SRSF11: variants seen among roughly 807,000 people sequenced by gnomAD.
The protein encoded by SRSF11 is serine/arginine-rich splicing factor 11.
Under a neutral mutation model 56.0 loss-of-function variants are expected in SRSF11, and 9 were observed. That is an observed-to-expected ratio of 0.16 (90% CI 0.10 to 0.28). SRSF11 has a LOEUF of 0.28. Among genes scored for constraint, SRSF11 ranks in the 10% least tolerant of loss-of-function variants. The pLI, the probability that SRSF11 is intolerant of heterozygous loss-of-function variation, is 1.00. For synonymous variants in SRSF11, 222 were observed against 215.3 expected (o/e 1.03, Z -0.27); for missense variants, 421 against 600.7 (o/e 0.70, Z 3.13).
In SRSF11 at chr1:70,250,940, T is replaced by C; in HGVS notation, c.*135T>C. On this transcript the variant is annotated 3_prime_UTR_variant, in exon 12 of 12. Coordinates refer to ENST00000370949, the MANE Select transcript of SRSF11 (RefSeq NM_001350605.2). ...GTTATAAATGGTTATAAAGCTCCTG[T>C]TACTCATATTAGTTATTTACATCAA... The C allele has an allele frequency of 1.4e-6, 1 of 718,532 alleles. No homozygotes were observed. Among genetic ancestry groups the C allele is most frequent in the East Asian group, 2.7e-5 (1 of 36,804 alleles). 44.5% of individuals were successfully genotyped at this position (718,532 alleles called of 1,614,324 possible). A position where few individuals can be genotyped will look rare whatever the true frequency, so the allele number is the denominator to read the frequency against.
Position 70,221,380 on chromosome 1 carries a change from A to G in SRSF11, c.-257A>G, listed in dbSNP as rs2100583656. On this transcript the variant is annotated 5_prime_UTR_variant, in exon 1 of 12. Coordinates refer to ENST00000370949, the MANE Select transcript of SRSF11 (RefSeq NM_001350605.2). ...AGCATTGTGGGAGCTCGGGCCCGCT[A>G]GTGTCGTGGTTGGAGGCGAGGTGGG... 8.3e-6 allele frequency: 4 copies of G among 484,022 alleles called. No homozygotes were observed. The highest frequency in any genetic ancestry group is 1.1e-5 in the Non-Finnish European group (3 of 274,960). The allele number at this position is 484,022 out of a possible 1,614,324, so 30.0% of individuals were successfully genotyped here.
intron 1 of SRSF11, among the ~76,000 whole-genome samples, chr1:70,209,133 C>T (rs1159865931): frequency 6.6e-6 from 1 of 152,046 alleles, no homozygotes; most frequent in East Asian, 1.9e-4. Context: ...ATCACATTGG[C>T]CAAAGGGTAC....
rs1470965972 is a variant in SRSF11 at position 70,221,539 on chromosome 1, C to T, written c.-98C>T. ...TAGCAGAGGCTGTAGCATCGGACAC[C>T]CTCCTCTCTCCCGCAATCCGGTTCC... On this transcript the variant is annotated 5_prime_UTR_variant, in exon 1 of 12. Coordinates refer to ENST00000370949, the MANE Select transcript of SRSF11 (RefSeq NM_001350605.2). The T allele has an allele frequency of 3.4e-6, 5 of 1,473,296 alleles. No homozygotes were observed. In the African/African-American group the frequency reaches 4.3e-5, roughly 13 times the overall value. The allele number at this position is 1,473,296 out of a possible 1,614,324, so 91.3% of individuals were successfully genotyped here.
chr1:70,233,321 C>T (rs1005250851), intron 3 of SRSF11, among the ~76,000 whole-genome samples: 1 of 152,028 alleles, frequency 6.6e-6, no homozygotes, highest in Non-Finnish European at 1.5e-5. Context: ...CTCGGCTCAC[C>T]GCAGTCTCCA....
At chr1:70,218,580 T>TG (rs1670227984), upstream of SRSF11, 2 of 152,192 alleles carry the variant, frequency 1.3e-5, no homozygotes, top group South Asian at 4.1e-4. Flanking sequence ...GATTTATGTG[T>TG]ACCCATCACA....
chr1:70,218,161 G>A (rs1343612228), upstream of SRSF11, among the ~76,000 whole-genome samples: 1 of 151,988 alleles, frequency 6.6e-6, no homozygotes, highest in Non-Finnish European at 1.5e-5. Flanking sequence ...GTAGAGATGG[G>A]GTTTCACCAT....
At chr1:70,233,938 A>G (rs1558188220) in intron 3 of SRSF11, among the ~76,000 whole-genome samples, 5 of 152,218 alleles carry the variant, frequency 3.3e-5, no homozygotes. Context: ...CAAGTATAAG[A>G]AACAACCACT....
chr1:70,209,703 AGCCTC>A (rs2100442884), intron 1 of SRSF11, among the ~76,000 whole-genome samples: 1 of 137,768 alleles, frequency 7.3e-6, no homozygotes, highest in East Asian at 2.3e-4. Flanking sequence ...CTCGCATCTC[AGCCTC>A]ACAACTAGCT....
chr1:70,247,985 T>G (rs1402538234), intron 9 of SRSF11, among the ~76,000 whole-genome samples: 1 of 152,034 alleles, frequency 6.6e-6, no homozygotes, highest in Non-Finnish European at 1.5e-5. Flanking sequence ...ACTAGGATGG[T>G]TATAAATCAA....
chr1:70,239,670 T>C (rs1674887565), intron 7 of SRSF11, 150 bp downstream of exon 7: 1 of 523,822 alleles, frequency 1.9e-6, no homozygotes, highest in Non-Finnish European at 3.3e-6. Flanking sequence ...TTCACACATG[T>C]AAAAAGTAAG....
intron 7 of SRSF11, among the ~76,000 whole-genome samples, chr1:70,243,023 GATTAAA>G (rs1211167293): frequency 1.3e-5 from 2 of 151,972 alleles, no homozygotes; most frequent in Non-Finnish European, 2.9e-5. Flanking sequence ...GAAAATAAGA[GATTAAA>G]ATTAAAGTTA....
intron 1 of SRSF11, among the ~76,000 whole-genome samples, chr1:70,208,212 A>G (rs1365313536): frequency 1.3e-5 from 2 of 152,192 alleles, no homozygotes; most frequent in Non-Finnish European, 2.9e-5. Flanking sequence ...CTTCTGTTTA[A>G]TGGCAAAGAG....
In SRSF11 at chr1:70,221,729, C is replaced by T. The variant is rs751006080; in HGVS notation, c.93C>T (p.Gly31=). The part of the protein sequence containing the change: ...GGGGGGGGGG[G]TEVIQVTNVS... ...GTGGTGGTGGCGGCGGAGGCGGCGG[C>T]ACCGAGGTAATCCAGGTGACTAATG... Residue 31 remains glycine, a synonymous_variant, in exon 1 of 12, where the codon GGC becomes GGT. Transcript: ENST00000370949. The T allele has an allele frequency of 2.5e-6, 4 of 1,613,982 alleles. No homozygotes were observed. Among genetic ancestry groups the T allele is most frequent in the Non-Finnish European group, 3.4e-6 (4 of 1,179,918 alleles).
chr1:70,232,586 C>A (rs1426047458), intron 3 of SRSF11, among the ~76,000 whole-genome samples: 1 of 152,146 alleles, frequency 6.6e-6, no homozygotes, highest in Non-Finnish European at 1.5e-5. Context: ...TCTGTTCTGT[C>A]ACTTTTACCA....
chr1:70,243,189 A>G (rs1675882702), intron 7 of SRSF11, among the ~76,000 whole-genome samples: 1 of 152,066 alleles, frequency 6.6e-6, no homozygotes, highest in Non-Finnish European at 1.5e-5. Context: ...CCCTCCGTAT[A>G]TGCAGGGGAT....
chr1:70,233,600 A>G (rs1308585454), intron 3 of SRSF11, among the ~76,000 whole-genome samples: 1 of 152,218 alleles, frequency 6.6e-6, no homozygotes, highest in Non-Finnish European at 1.5e-5. Flanking sequence ...GCTATGTTGG[A>G]CAGTAAGTTA....
intron 7 of SRSF11, among the ~76,000 whole-genome samples, chr1:70,242,538 G>A (rs1314381038): frequency 1.3e-5 from 2 of 149,746 alleles, no homozygotes; most frequent in East Asian, 2.0e-4. Context: ...TCCTGAGCTC[G>A]AGCTGTTTGC....
chr1:70,251,097 A>G lies in SRSF11; in HGVS notation c.*292A>G. 1 of 320,838 alleles carries G rather than the reference A, an allele frequency of 3.1e-6. No individual in the cohort carries two copies. Among genetic ancestry groups the G allele is most frequent in the Non-Finnish European group, 5.8e-6 (1 of 172,550 alleles). The allele number at this position is 320,838 out of a possible 1,614,324, so 19.9% of individuals were successfully genotyped here. ...AAAGCTGCATGCATCTACAGCAGGC[A>G]TGGATTGTTTATGTCGTATGATATC... On this transcript the variant is annotated 3_prime_UTR_variant, in exon 12 of 12. Transcript: ENST00000370949.
chr1:70,234,603 T>G (rs936837598), intron 3 of SRSF11, 93 bp from the exon 4 acceptor site: 6 of 982,044 alleles, frequency 6.1e-6, no homozygotes, highest in African/African-American at 1.6e-5. Context: ...AAAACTCAAG[T>G]TGTTATCTGA....
Sources: gnomAD v4.1 joint callset for allele counts (sites outside exome capture counted in the v4.1 genomes callset) on GRCh38, gnomAD v4.1.1 for gene constraint, MANE v1.5 for transcripts, NCBI Gene and HGNC (gene_info 2026-07-23, HGNC 2026-07-21) for gene names.